The following RAPGEF4 variants were observed in gnomAD, a reference collection of about 807,000 sequenced individuals.
RAPGEF4 encodes Rap guanine nucleotide exchange factor 4.
RAPGEF4 carries 66 observed loss-of-function variants against 147.9 expected under a neutral mutation model. The observed-to-expected ratio is 0.45, with a 90% CI of 0.37 to 0.55. RAPGEF4 has a LOEUF of 0.55. Among genes scored for constraint, RAPGEF4 ranks in the 20% least tolerant of loss-of-function variants. RAPGEF4 has a pLI of 0.00. For synonymous variants in RAPGEF4, 419 were observed against 442.7 expected, an observed-to-expected ratio of 0.95 and a Z score of 0.67; for missense variants, 1,071 against 1,257.3, an observed-to-expected ratio of 0.85 and a Z score of 2.24.
chr2:172,960,957 C>A, intron 7 of RAPGEF4, 144 bp downstream of exon 7: 3 of 869,114 alleles, frequency 3.5e-6, no homozygotes, highest in Non-Finnish European at 5.5e-6. Context: ...CAGTTCTCAA[C>A]ATAAACCAGT....
chr2:172,834,663 G>A (rs1244168125), intron 4 of RAPGEF4, among the ~76,000 whole-genome samples: 2 of 152,032 alleles, frequency 1.3e-5, no homozygotes, highest in Non-Finnish European at 2.9e-5. Context: ...TTTCAGATTA[G>A]GGGTAAACAT....
chr2:172,936,799 G>A (rs112350278), intron 6 of RAPGEF4, among the ~76,000 whole-genome samples: 3 of 151,540 alleles, frequency 2.0e-5, no homozygotes, highest in African/African-American at 7.3e-5. Flanking sequence ...AGTTGTGATG[G>A]CTACGAATTC....
intron 4 of RAPGEF4, among the ~76,000 whole-genome samples, chr2:172,841,852 C>T (rs201652527): frequency 0.016 from 2,411 of 151,502 alleles, 26 homozygotes; most frequent in South Asian, 0.033. Context: ...CACACACACA[C>T]GAACATAAAT....
chr2:172,751,254 A>G (rs989422728), intron 1 of RAPGEF4, among the ~76,000 whole-genome samples: 1 of 151,964 alleles, frequency 6.6e-6, no homozygotes, highest in East Asian at 1.9e-4. Flanking sequence ...TGTGCCAGTC[A>G]CTCTTGCTGG....
chr2:172,983,630 A>C, intron 11 of RAPGEF4, 50 bp downstream of exon 11: 1 of 1,603,574 alleles, frequency 6.2e-7, no homozygotes. Context: ...CAATAAATGC[A>C]CTGTTAGGAC....
chr2:172,847,797 T>A (rs937984052), intron 4 of RAPGEF4, among the ~76,000 whole-genome samples: 10 of 152,246 alleles, frequency 6.6e-5, no homozygotes, highest in Admixed American at 1.3e-4. Context: ...GATTATTTAT[T>A]CTGAAGGTGT....
At chr2:172,771,084 A>G (rs1016769783) in intron 1 of RAPGEF4, among the ~76,000 whole-genome samples, 2 of 151,904 alleles carry the variant, frequency 1.3e-5, no homozygotes, top group Middle Eastern at 3.2e-3. Context: ...AATTATTTAA[A>G]TAATTTATTT....
At chr2:172,922,331 A>G (rs1188760254) in intron 6 of RAPGEF4, 31 bp downstream of exon 6, 1 of 1,584,050 alleles carries the variant, frequency 6.3e-7, no homozygotes, top group Non-Finnish European at 8.7e-7. Flanking sequence ...CCTATCTTCT[A>G]AAAATTGTTA....
At chr2:172,827,318 T>C (rs925186678) in intron 4 of RAPGEF4, among the ~76,000 whole-genome samples, 2 of 152,102 alleles carry the variant, frequency 1.3e-5, no homozygotes, top group Non-Finnish European at 2.9e-5. Context: ...TGTTTTCTGC[T>C]TGTTACTCTA....
intron 27 of RAPGEF4, among the ~76,000 whole-genome samples, chr2:173,035,912 T>A (rs1450572730): frequency 1.3e-5 from 2 of 152,118 alleles, no homozygotes; most frequent in Non-Finnish European, 2.9e-5. Context: ...TTGAGTAGGC[T>A]CAGGAGGAGG....
At chr2:172,741,190 C>A (rs1292594167) in intron 1 of RAPGEF4, among the ~76,000 whole-genome samples, 1 of 152,236 alleles carries the variant, frequency 6.6e-6, no homozygotes, top group African/African-American at 2.4e-5. Context: ...TACCTGTGCT[C>A]TCACAGCACA....
intron 29 of RAPGEF4, among the ~76,000 whole-genome samples, chr2:173,043,023 C>T (rs1684959122): frequency 6.6e-6 from 1 of 152,204 alleles, no homozygotes; most frequent in Non-Finnish European, 1.5e-5. Context: ...CCTTTTATCT[C>T]TGGTCCTCAC....
chr2:172,933,504 C>T (rs753452883), intron 6 of RAPGEF4, among the ~76,000 whole-genome samples: 5 of 151,964 alleles, frequency 3.3e-5, no homozygotes, highest in African/African-American at 4.8e-5. Context: ...GATTTTGCAC[C>T]GTACCTGGGT....
intron 4 of RAPGEF4, among the ~76,000 whole-genome samples, chr2:172,870,030 G>GACAAA (rs1273730255): frequency 6.6e-6 from 1 of 152,082 alleles, no homozygotes; most frequent in Non-Finnish European, 1.5e-5. Flanking sequence ...CTGGTAACCT[G>GACAAA]GGTGTGCTGC....
At position 173,036,133 on chromosome 2, in the gene RAPGEF4, A is replaced by G. The variant is rs1421152197; in HGVS notation, c.2709A>G (p.Ser903=). 6.8e-6 allele frequency: 11 copies of G among 1,610,002 alleles called. No homozygotes were observed. Among genetic ancestry groups the G allele is most frequent in the Non-Finnish European group, 9.3e-6 (11 of 1,176,684 alleles). The change falls in exon 28 of 31, where the codon TCA becomes TCG. Residue 903 remains serine (S), a synonymous_variant. Transcript: ENST00000397081. ...TCTTTTTCTCTCCTAAGGACCCTTC[A>G]AGGAACCACAGGGCCTACAGGCTGA... ...YAEFESLMDP[S]RNHRAYRLTV... is the part of the protein sequence containing the mutation.
chr2:172,821,974 A>C (rs1689117348), intron 4 of RAPGEF4: 1 of 1,613,522 alleles, frequency 6.2e-7, no homozygotes, highest in Non-Finnish European at 8.5e-7. Context: ...TATGCTCTAC[A>C]AGGTCAGAAT....
intron 10 of RAPGEF4, among the ~76,000 whole-genome samples, chr2:172,971,987 C>T (rs755890149): frequency 6.8e-6 from 1 of 147,694 alleles, no homozygotes; most frequent in Non-Finnish European, 1.5e-5. Flanking sequence ...AATATGGAAA[C>T]GTGAGATATA....
At chr2:173,024,976 C>G (rs1461093906) in intron 23 of RAPGEF4, among the ~76,000 whole-genome samples, 1 of 152,222 alleles carries the variant, frequency 6.6e-6, no homozygotes, top group Non-Finnish European at 1.5e-5. Context: ...CCTTGCTATT[C>G]TCACCTGCCC....
At chr2:172,798,064 G>A (rs62168122) in intron 3 of RAPGEF4, among the ~76,000 whole-genome samples, 50,461 of 151,950 alleles carry the variant, frequency 0.33, 8,917 homozygotes, top group Middle Eastern at 0.47. Flanking sequence ...TGCAGGGGAT[G>A]TGTGGCTGTT....
Sources: allele counts gnomAD v4.1 joint callset (sites outside exome capture counted in the v4.1 genomes callset), GRCh38; gene constraint gnomAD v4.1.1; transcripts MANE v1.5; gene names NCBI Gene and HGNC (gene_info 2026-07-23, HGNC 2026-07-21).